The following ZBTB8A variants were observed in gnomAD, a reference collection of about 807,000 sequenced individuals.
ZBTB8A encodes zinc finger and BTB domain containing 8A.
A neutral mutation model predicts 37.8 loss-of-function variants in ZBTB8A; 19 were observed. The ratio of observed to expected loss-of-function variants is 0.50; its 90% CI spans 0.35 to 0.74. ZBTB8A has a LOEUF of 0.74. Among genes scored for constraint, ZBTB8A ranks in the 30% least tolerant of loss-of-function variants. ZBTB8A has a pLI of 0.01. For synonymous variants in ZBTB8A, 181 were observed against 185.2 expected (o/e 0.98, Z 0.19); for missense variants, 394 against 537.8 (o/e 0.73, Z 2.65).
intron 3 of ZBTB8A, among the ~76,000 whole-genome samples, chr1:32,594,050 C>T (rs912615140): frequency 2.6e-5 from 4 of 151,844 alleles, no homozygotes; most frequent in South Asian, 2.1e-4. Context: ...AAAAATTAGC[C>T]GAGCATTGTG....
At chr1:32,578,800 A>G (rs1313755490) in intron 2 of ZBTB8A, among the ~76,000 whole-genome samples, 1 of 152,042 alleles carries the variant, frequency 6.6e-6, no homozygotes, top group Non-Finnish European at 1.5e-5. Context: ...TACAGCCTCT[A>G]ACTCCTGGAC....
At chr1:32,594,719 T>C (rs1644516333) in intron 3 of ZBTB8A, among the ~76,000 whole-genome samples, 1 of 151,524 alleles carries the variant, frequency 6.6e-6, no homozygotes, top group African/African-American at 2.4e-5. Flanking sequence ...TGAGTGGAGA[T>C]TGCGCCATTG....
intron 2 of ZBTB8A, among the ~76,000 whole-genome samples, chr1:32,590,229 C>T (rs961383756): frequency 6.6e-6 from 1 of 152,052 alleles, no homozygotes; most frequent in Non-Finnish European, 1.5e-5. Flanking sequence ...CCACTGCGCC[C>T]TGCCCATGTT....
intron 1 of ZBTB8A, among the ~76,000 whole-genome samples, chr1:32,549,973 C>T (rs1644138580): frequency 6.6e-6 from 1 of 152,168 alleles, no homozygotes. Flanking sequence ...TCTCACAGAA[C>T]ATCTCATTGA....
chr1:32,600,649 T>C lies in ZBTB8A; in HGVS notation c.*230T>C, dbSNP rs986636745. 2.1e-6 allele frequency: 1 copy of C among 468,798 alleles called. No individual in the cohort carries two copies. Among genetic ancestry groups the C allele is most frequent in the African/African-American group, 1.9e-5 (1 of 51,356 alleles). The allele number at this position is 468,798 out of a possible 1,614,324, so 29.0% of individuals were successfully genotyped here. A position where few individuals can be genotyped will look rare whatever the true frequency, so the allele number is the denominator to read the frequency against. On this transcript the variant is annotated 3_prime_UTR_variant, in exon 5 of 5. Coordinates refer to ENST00000373510, the MANE Select transcript of ZBTB8A (RefSeq NM_001040441.3). ...AAAGAACTAGCTTGAGTTGGCTTGA[T>C]GGATGAACAATTATCCTCTTACTTT...
chr1:32,544,107 T>G (rs1460791560), intron 1 of ZBTB8A, among the ~76,000 whole-genome samples: 1 of 152,250 alleles, frequency 6.6e-6, no homozygotes, highest in Non-Finnish European at 1.5e-5. Context: ...TAGCTGGGAC[T>G]ACAGGCTCAC....
At chr1:32,568,622 G>A (rs1644302743) in intron 2 of ZBTB8A, among the ~76,000 whole-genome samples, 1 of 152,060 alleles carries the variant, frequency 6.6e-6, no homozygotes, top group Admixed American at 6.6e-5. Context: ...TCCTAACCTC[G>A]TGATCCGCCC....
intron 2 of ZBTB8A, among the ~76,000 whole-genome samples, chr1:32,568,149 G>C (rs1644297956): frequency 6.6e-6 from 1 of 151,836 alleles, no homozygotes; most frequent in Non-Finnish European, 1.5e-5. Context: ...ACTCTGTCTA[G>C]AGAAAAAATT....
intron 2 of ZBTB8A, among the ~76,000 whole-genome samples, chr1:32,576,122 A>G (rs748599243): frequency 3.3e-5 from 5 of 152,198 alleles, no homozygotes; most frequent in Non-Finnish European, 5.9e-5. Flanking sequence ...GAACATAGCC[A>G]TGGTCATTCA....
chr1:32,587,407 A>G (rs1233020314), intron 2 of ZBTB8A, among the ~76,000 whole-genome samples: 1 of 152,020 alleles, frequency 6.6e-6, no homozygotes, highest in East Asian at 1.9e-4. Flanking sequence ...TGGAGATTAC[A>G]TTTCCTAAGA....
intron 1 of ZBTB8A, among the ~76,000 whole-genome samples, chr1:32,543,884 G>A (rs1355466573): frequency 6.6e-6 from 1 of 152,020 alleles, no homozygotes; most frequent in Non-Finnish European, 1.5e-5. Flanking sequence ...CACCGTGTTC[G>A]CCAGGATGGT....
At chr1:32,570,672 T>C (rs1010669840) in intron 2 of ZBTB8A, among the ~76,000 whole-genome samples, 1 of 152,170 alleles carries the variant, frequency 6.6e-6, no homozygotes, top group African/African-American at 2.4e-5. Context: ...TACGAATGCA[T>C]TGTTTAAAAT....
At chr1:32,574,111 G>T (rs898498524) in intron 2 of ZBTB8A, among the ~76,000 whole-genome samples, 7 of 151,854 alleles carry the variant, frequency 4.6e-5, no homozygotes, top group African/African-American at 1.7e-4. Context: ...AATAATAAAT[G>T]AACTATACGT....
intron 3 of ZBTB8A, 71 bp downstream of exon 3, chr1:32,593,825 C>A: frequency 1.7e-6 from 2 of 1,207,726 alleles, no homozygotes; most frequent in Non-Finnish European, 2.3e-6. Context: ...ACTGTCAAAA[C>A]ACCCTTAGTT....
At chr1:32,577,886 A>G (rs1308349580) in intron 2 of ZBTB8A, among the ~76,000 whole-genome samples, 1 of 151,430 alleles carries the variant, frequency 6.6e-6, no homozygotes, top group Non-Finnish European at 1.5e-5. Flanking sequence ...CTTGGCCCAG[A>G]TACTGTATTT....
At chr1:32,558,438 AACACACACACACACACAC>A (rs35047367) in intron 2 of ZBTB8A, among the ~76,000 whole-genome samples, 1 of 145,672 alleles carries the variant, frequency 6.9e-6, no homozygotes, top group African/African-American at 2.5e-5. Context: ...CTAAGTATTA[AACACACACACACACACAC>A]ACACACACAC....
At chr1:32,566,860 A>G (rs911442973) in intron 2 of ZBTB8A, among the ~76,000 whole-genome samples, 6 of 152,192 alleles carry the variant, frequency 3.9e-5, no homozygotes, top group Non-Finnish European at 8.8e-5. Context: ...GGAGGCATCA[A>G]AAGCAGTAAG....
chr1:32,558,159 G>A (rs1245900444), intron 2 of ZBTB8A, among the ~76,000 whole-genome samples: 1 of 152,116 alleles, frequency 6.6e-6, no homozygotes, highest in African/African-American at 2.4e-5. Context: ...GGGAAGTAGG[G>A]AAGTAGGAAG....
At chr1:32,592,446 A>G (rs923870797) in intron 2 of ZBTB8A, among the ~76,000 whole-genome samples, 38 of 151,906 alleles carry the variant, frequency 2.5e-4, no homozygotes, top group African/African-American at 8.9e-4. Context: ...AGGCTGAGGT[A>G]GGAGGATCAC....
Sources: allele counts gnomAD v4.1 joint callset (sites outside exome capture counted in the v4.1 genomes callset), GRCh38; gene constraint gnomAD v4.1.1; transcripts MANE v1.5; gene names NCBI Gene and HGNC (gene_info 2026-07-23, HGNC 2026-07-21).